The following ZNF516 variants were observed in gnomAD, a reference collection of about 807,000 sequenced individuals.
ZNF516 encodes zinc finger protein 516.
Under a neutral mutation model 79.7 loss-of-function variants are expected in ZNF516, and 19 were observed. The observed-to-expected ratio is 0.24, with a 90% CI of 0.17 to 0.35. The LOEUF is 0.35. ZNF516 is among the 10% of genes least tolerant of loss of function. ZNF516 has a pLI of 1.00. For synonymous variants in ZNF516, 877 were observed against 739.5 expected, an observed-to-expected ratio of 1.19 and a Z score of -3.02; for missense variants, 1,678 against 1,679.5, an observed-to-expected ratio of 1.00 and a Z score of 0.02.
intron 1 of ZNF516, among the ~76,000 whole-genome samples, chr18:76,464,551 G>GC (rs1356017358): frequency 1.3e-5 from 2 of 150,912 alleles, no homozygotes; most frequent in African/African-American, 4.9e-5. Flanking sequence ...GGGGACAGTG[G>GC]CTCCTGGACT....
chr18:76,483,914 C>G (rs1046556018), intron 1 of ZNF516, among the ~76,000 whole-genome samples: 1 of 152,220 alleles, frequency 6.6e-6, no homozygotes, highest in Non-Finnish European at 1.5e-5. Flanking sequence ...ACAGCAACAA[C>G]TGGTCCAGTG....
intron 3 of ZNF516, among the ~76,000 whole-genome samples, chr18:76,440,577 G>C (rs888914985): frequency 6.6e-6 from 1 of 152,214 alleles, no homozygotes; most frequent in Non-Finnish European, 1.5e-5. Flanking sequence ...AGTTGGCCAA[G>C]CATCTTTAAA....
chr18:76,428,608 A>G (rs1027434695), intron 3 of ZNF516, among the ~76,000 whole-genome samples: 1 of 152,194 alleles, frequency 6.6e-6, no homozygotes, highest in African/African-American at 2.4e-5. Context: ...CCCAAGACAT[A>G]CTGTCACGTG....
chr18:76,437,097 CACAT>C (rs891919684), intron 3 of ZNF516, among the ~76,000 whole-genome samples: 11 of 151,180 alleles, frequency 7.3e-5, no homozygotes, highest in African/African-American at 2.7e-4. Context: ...CACACACACA[CACAT>C]ACCGTCTCTC....
At chr18:76,373,127 G>GT (rs1009977899) in intron 4 of ZNF516, among the ~76,000 whole-genome samples, 2 of 152,118 alleles carry the variant, frequency 1.3e-5, no homozygotes, top group Admixed American at 1.3e-4. Context: ...TCCAGCCTAG[G>GT]TGACAGAGTG....
At position 76,476,141 on chromosome 18, in the gene ZNF516, T is replaced by C. The variant is rs148038792; in HGVS notation, c.-271-13000A>G. On this transcript the variant is annotated intron_variant, in intron 1 of 6. Coordinates refer to ENST00000443185, the MANE Select transcript of ZNF516 (RefSeq NM_014643.4). ...GGTTTAATTTGGGCAAGGAGAATGTTGCCCTAAGTATTTGGCTCTAACTAA... is the reference window on the plus strand; with the variant it reads ...GGTTTAATTTGGGCAAGGAGAATGTCGCCCTAAGTATTTGGCTCTAACTAA... 7.5e-4 allele frequency among the ~76,000 whole-genome samples: 114 copies of C among 152,188 alleles called. 1 individual carries two copies. Among genetic ancestry groups the C allele is most frequent in the African/African-American group, 2.6e-3 (109 of 41,426 alleles).
intron 6 of ZNF516, among the ~76,000 whole-genome samples, chr18:76,368,533 G>A (rs752226026): frequency 5.3e-5 from 8 of 151,868 alleles, no homozygotes; most frequent in African/African-American, 7.3e-5. Context: ...CTCACCCACC[G>A]AGATCTTCAC....
chr18:76,433,500 G>A (rs1200056847), intron 3 of ZNF516, among the ~76,000 whole-genome samples: 3 of 152,220 alleles, frequency 2.0e-5, no homozygotes, highest in African/African-American at 7.2e-5. Flanking sequence ...GCCAGCCTGA[G>A]GCCCAGGTTT....
At chr18:76,370,781 T>C (rs2074690849) in intron 5 of ZNF516, among the ~76,000 whole-genome samples, 186 bp from the exon 6 acceptor site, 1 of 152,248 alleles carries the variant, frequency 6.6e-6, no homozygotes, top group African/African-American at 2.4e-5. Context: ...CTGGGGCCAC[T>C]GCCCTTTTTA....
In ZNF516 at chr18:76,378,900, G is replaced by A. The variant is rs762133977; in HGVS notation, c.3214C>T (p.Leu1072Phe). ...KTYIPKDFAT[L>F]YQGWGVSGPG... ...CCGCTGACACCCCATCCCTGGTAGAGGGTCGCAAAGTCCTTTGGAATGTAC... is the reference window on the plus strand; with the variant it reads ...CCGCTGACACCCCATCCCTGGTAGAAGGTCGCAAAGTCCTTTGGAATGTAC... The change falls in exon 4 of 7, where the codon CTC becomes TTC. Residue 1072 changes from leucine to phenylalanine, a missense_variant. This residue lies in a region of ZNF516 where 1,294 missense variants were observed against 1,248.3 expected (regional missense o/e 1.04). Transcript: ENST00000443185. The A allele has an allele frequency of 1.9e-6, 3 of 1,613,758 alleles. No individual in the cohort carries two copies. Among genetic ancestry groups the A allele is most frequent in the Non-Finnish European group, 2.5e-6 (3 of 1,179,788 alleles).
At chr18:76,433,063 C>A (rs1047628384) in intron 3 of ZNF516, among the ~76,000 whole-genome samples, 1 of 152,206 alleles carries the variant, frequency 6.6e-6, no homozygotes, top group Non-Finnish European at 1.5e-5. Flanking sequence ...TCCACACATG[C>A]GGCACTTTCC....
intron 2 of ZNF516, among the ~76,000 whole-genome samples, chr18:76,449,658 C>CTCCAGTAAATTAAATT (rs1912275199): frequency 6.6e-6 from 1 of 151,812 alleles, no homozygotes; most frequent in East Asian, 1.9e-4. Flanking sequence ...TTAATGCATA[C>CTCCAGTAAATTAAATT]AAGCCACAAT....
intron 3 of ZNF516, among the ~76,000 whole-genome samples, chr18:76,418,619 G>GAA (rs531875024): frequency 6.7e-6 from 1 of 148,968 alleles, no homozygotes; most frequent in African/African-American, 2.5e-5. Flanking sequence ...CTTAAAATAT[G>GAA]AAAAAAAAAC....
chr18:76,473,118 TTATATGCTTTC>T (rs1913940819), intron 1 of ZNF516, among the ~76,000 whole-genome samples: 1 of 152,254 alleles, frequency 6.6e-6, no homozygotes, highest in African/African-American at 2.4e-5. Context: ...AGCAAAAGCA[TTATATGCTTTC>T]TATATGCTTT....
upstream of ZNF516, chr18:76,496,341 C>G (rs1053613790): frequency 2.3e-5 from 30 of 1,289,566 alleles, no homozygotes; most frequent in Non-Finnish European, 3.0e-5. Flanking sequence ...GGATTCCGTC[C>G]AAGACGCCCA....
intron 1 of ZNF516, chr18:76,490,299 G>A (rs905960841): frequency 1.7e-6 from 1 of 593,080 alleles, no homozygotes; most frequent in African/African-American, 2.0e-5. Context: ...GGGGGGGCGA[G>A]GGGTTCTCAG....
intron 3 of ZNF516, among the ~76,000 whole-genome samples, chr18:76,423,558 G>A (rs1250783028): frequency 7.0e-6 from 1 of 142,458 alleles, no homozygotes; most frequent in Non-Finnish European, 1.5e-5. Context: ...AACACACGCA[G>A]GTGAAAAGGC....
intron 2 of ZNF516, among the ~76,000 whole-genome samples, chr18:76,448,834 G>C (rs541624901): frequency 6.6e-6 from 1 of 152,290 alleles, no homozygotes; most frequent in African/African-American, 2.4e-5. Flanking sequence ...AAGTCAGACA[G>C]GGAAGCATAC....
Position 76,358,183 on chromosome 18 carries a change from A to G in ZNF516, c.*4315T>C, listed in dbSNP as rs1369117615. The G allele has an allele frequency of 1.3e-5, 2 of 152,262 alleles. No homozygotes were observed. The highest frequency in any genetic ancestry group is 4.8e-5 in the African/African-American group (2 of 41,478). 9.4% of individuals were successfully genotyped at this position (152,262 alleles called of 1,614,324 possible). On this transcript the variant is annotated 3_prime_UTR_variant, in exon 7 of 7. Transcript: ENST00000443185. ...CTCTGAAATTGGGGAAAAATGTCTT[A>G]CAAATCTCAGAACTCCAAGATGTTT...
Sources: allele counts gnomAD v4.1 joint callset (sites outside exome capture counted in the v4.1 genomes callset), GRCh38; gene constraint gnomAD v4.1.1; regional missense constraint gnomAD v4.1.1; transcripts MANE v1.5; gene names NCBI Gene and HGNC (gene_info 2026-07-23, HGNC 2026-07-21).